RNF180: variants seen among roughly 807,000 people sequenced by gnomAD.
RNF180 encodes the protein E3 ubiquitin-protein ligase RNF180.
In RNF180, 38 loss-of-function variants were observed where a neutral mutation model predicts 59.2. The ratio of observed to expected loss-of-function variants is 0.64; its 90% CI spans 0.50 to 0.84. The LOEUF is 0.84. RNF180 is among the 40% of genes least tolerant of loss of function. RNF180 has a pLI of 0.00. For synonymous variants in RNF180, 262 were observed against 240.3 expected (o/e 1.09, Z -0.84); for missense variants, 705 against 700.9 (o/e 1.01, Z -0.07).
intron 7 of RNF180, among the ~76,000 whole-genome samples, chr5:64,331,457 C>G (rs1744903528): frequency 6.6e-6 from 1 of 152,170 alleles, no homozygotes; most frequent in Non-Finnish European, 1.5e-5. Context: ...CCATAAAAAC[C>G]CTGGACTCAG....
intron 1 of RNF180, among the ~76,000 whole-genome samples, chr5:64,168,874 A>G (rs1207999124): frequency 6.6e-6 from 1 of 152,238 alleles, no homozygotes; most frequent in African/African-American, 2.4e-5. Context: ...TTTATTAGCA[A>G]TTCTGAAATT....
intron 1 of RNF180, among the ~76,000 whole-genome samples, chr5:64,175,689 G>A (rs902040283): frequency 1.3e-5 from 2 of 152,128 alleles, no homozygotes; most frequent in African/African-American, 4.8e-5. Context: ...CATTAAATCT[G>A]TAGATTGCCT....
chr5:64,289,878 G>A (rs1742484331), intron 5 of RNF180, among the ~76,000 whole-genome samples: 1 of 151,608 alleles, frequency 6.6e-6, no homozygotes, highest in Admixed American at 6.6e-5. Context: ...TTTTTTTTAT[G>A]TCTGTCTCCT....
At chr5:64,198,144 A>G (rs1317171765) in intron 1 of RNF180, among the ~76,000 whole-genome samples, 2 of 152,232 alleles carry the variant, frequency 1.3e-5, no homozygotes, top group Non-Finnish European at 1.5e-5. Context: ...TTAACTCGGT[A>G]TATTAAAAGT....
intron 5 of RNF180, among the ~76,000 whole-genome samples, chr5:64,250,217 A>G (rs1222386508): frequency 6.6e-6 from 1 of 152,132 alleles, no homozygotes; most frequent in Non-Finnish European, 1.5e-5. Flanking sequence ...TGAACAACCA[A>G]TGGGTTAGTG....
At chr5:64,368,865 C>G (rs371043619) in intron 7 of RNF180, among the ~76,000 whole-genome samples, 165 of 152,096 alleles carry the variant, frequency 1.1e-3, no homozygotes, top group African/African-American at 3.7e-3. Flanking sequence ...GTTGGTGGGA[C>G]TGTAAACTAG....
At chr5:64,218,934 G>A (rs554382712) in intron 5 of RNF180, among the ~76,000 whole-genome samples, 11 of 152,066 alleles carry the variant, frequency 7.2e-5, no homozygotes, top group Admixed American at 1.3e-4. Context: ...CATTCTTGAC[G>A]TTTCTTGTCA....
At chr5:64,282,684 C>T (rs1222648338) in intron 5 of RNF180, among the ~76,000 whole-genome samples, 1 of 152,080 alleles carries the variant, frequency 6.6e-6, no homozygotes, top group Non-Finnish European at 1.5e-5. Context: ...ATGAACTTTC[C>T]TCTTAACACT....
chr5:64,364,627 G>T (rs1431803836), intron 7 of RNF180, among the ~76,000 whole-genome samples: 4 of 151,602 alleles, frequency 2.6e-5, no homozygotes, highest in African/African-American at 9.7e-5. Context: ...CAATTATTTT[G>T]GAATAGTTTC....
chr5:64,317,008 C>A (rs933875909), intron 5 of RNF180, among the ~76,000 whole-genome samples: 6 of 152,278 alleles, frequency 3.9e-5, no homozygotes, highest in Admixed American at 2.6e-4. Flanking sequence ...TTACTTCTCA[C>A]AAATACTGCA....
chr5:64,220,834 A>T (rs189318650), intron 5 of RNF180, among the ~76,000 whole-genome samples: 9 of 152,146 alleles, frequency 5.9e-5, no homozygotes, highest in African/African-American at 1.7e-4. Context: ...ACCATATATC[A>T]TGGTTTGTAA....
intron 5 of RNF180, among the ~76,000 whole-genome samples, chr5:64,220,026 T>G (rs1752831584): frequency 6.6e-6 from 1 of 152,166 alleles, no homozygotes; most frequent in South Asian, 2.1e-4. Context: ...TTTAACATTG[T>G]TCATAATATT....
At chr5:64,309,794 C>A (rs1231552699) in intron 5 of RNF180, among the ~76,000 whole-genome samples, 5 of 151,400 alleles carry the variant, frequency 3.3e-5, no homozygotes, top group Non-Finnish European at 5.9e-5. Flanking sequence ...CCACTCAAAC[C>A]TTTATATTTT....
chr5:64,248,901 A>T (rs1743368519), intron 5 of RNF180, among the ~76,000 whole-genome samples: 1 of 152,248 alleles, frequency 6.6e-6, no homozygotes, highest in African/African-American at 2.4e-5. Context: ...TGGCACATAT[A>T]CATCATGGAA....
chr5:64,232,050 C>A (rs141108111), intron 5 of RNF180, among the ~76,000 whole-genome samples: 9 of 152,274 alleles, frequency 5.9e-5, no homozygotes, highest in African/African-American at 1.9e-4. Context: ...TGATTGGCAC[C>A]TAATAGTAAC....
chr5:64,200,749 T>G, intron 1 of RNF180, 59 bp from the exon 2 acceptor site: 2 of 1,471,134 alleles, frequency 1.4e-6, no homozygotes, highest in Non-Finnish European at 1.9e-6. Context: ...GTTAAGGATT[T>G]AGAAAGTCCA....
At chr5:64,337,831 T>C (rs1156715513) in intron 7 of RNF180, among the ~76,000 whole-genome samples, 2 of 152,194 alleles carry the variant, frequency 1.3e-5, no homozygotes, top group Non-Finnish European at 2.9e-5. Flanking sequence ...ACAAAGGACA[T>C]GAACTCATCT....
intron 5 of RNF180, among the ~76,000 whole-genome samples, chr5:64,291,425 T>C (rs1295908254): frequency 8.9e-5 from 12 of 134,712 alleles, no homozygotes; most frequent in Admixed American, 6.6e-4. Flanking sequence ...TCTTTTTTTT[T>C]TTTTTTTTTT....
At chr5:64,198,816 C>G (rs1194539275) in intron 1 of RNF180, among the ~76,000 whole-genome samples, 2 of 150,518 alleles carry the variant, frequency 1.3e-5, no homozygotes, top group Non-Finnish European at 2.9e-5. Flanking sequence ...GCAAATTAAA[C>G]AATTTTTTTT....
Sources: allele counts gnomAD v4.1 joint callset (sites outside exome capture counted in the v4.1 genomes callset), GRCh38; gene constraint gnomAD v4.1.1; transcripts MANE v1.5; gene names NCBI Gene and HGNC (gene_info 2026-07-23, HGNC 2026-07-21).